Variants in LOXL2 observed in about 807,000 individuals in gnomAD.
LOXL2 encodes lysyl oxidase homolog 2.
Under a neutral mutation model 93.0 loss-of-function variants are expected in LOXL2, and 70 were observed. That is an observed-to-expected ratio of 0.75 (90% CI 0.62 to 0.92). LOXL2 has a LOEUF of 0.92. LOXL2 is among the 40% of genes least tolerant of loss of function. The pLI is 0.00. For missense variants in LOXL2, 973 were observed against 1,054.9 expected (o/e 0.92, Z 1.08); for synonymous variants, 438 against 413.2 (o/e 1.06, Z -0.73).
At position 23,316,967 on chromosome 8, in the gene LOXL2, C is replaced by A; in HGVS notation, c.1618G>T (p.Gly540Ter). The change falls in exon 9 of 14, where the codon GGA becomes TGA. Residue 540 changes from glycine to a stop codon, truncating the protein, a stop_gained. Coordinates refer to ENST00000389131, the MANE Select transcript of LOXL2 (RefSeq NM_002318.3). LOFTEE classifies it high-confidence loss of function. ...CPQGGVQYGA[G>*]VACSETAPDL... ...CTCTCACTTTCTGAGCAGGCAACTCCGGCCCCGTACTGCACTCCGCCCTGG... is the reference window on the plus strand; with the variant it reads ...CTCTCACTTTCTGAGCAGGCAACTCAGGCCCCGTACTGCACTCCGCCCTGG... 6.3e-7 allele frequency: 1 copy of A among 1,599,890 alleles called. No homozygotes were observed. The highest frequency in any genetic ancestry group is 8.5e-7 in the Non-Finnish European group (1 of 1,172,064).
chr8:23,401,721 G>A (rs976366327), intron 1 of LOXL2, among the ~76,000 whole-genome samples: 2 of 152,182 alleles, frequency 1.3e-5, no homozygotes, highest in Admixed American at 1.3e-4. Context: ...CAGAAAATCT[G>A]TTTCCTTCAC....
intron 6 of LOXL2, among the ~76,000 whole-genome samples, chr8:23,324,771 A>G (rs1803550416): frequency 6.6e-6 from 1 of 152,228 alleles, no homozygotes; most frequent in African/African-American, 2.4e-5. Context: ...CCATGGGTCC[A>G]GGCCAATGAG....
chr8:23,392,563 T>G (rs1302822191), intron 1 of LOXL2, among the ~76,000 whole-genome samples: 1 of 152,128 alleles, frequency 6.6e-6, no homozygotes, highest in Non-Finnish European at 1.5e-5. Context: ...ATTCTAATAG[T>G]CTTACTCCAT....
In LOXL2 at chr8:23,328,552, C is replaced by T. The variant is rs371553070; in HGVS notation, c.980G>A (p.Arg327Gln). The stretch of plus-strand genomic sequence containing the variant: ...CCCGATGTAGGCACCGCCTCTCAGT[C>T]GCACCAGGGGTTGCTGAAGAGACAC... ...KAYKPEQPLV[R>Q]LRGGAYIGEG... The change falls in exon 6 of 14, where the codon CGA (arginine) becomes CAA (glutamine). Residue 327 changes from arginine to glutamine, a missense_variant. Coordinates refer to ENST00000389131, the MANE Select transcript of LOXL2 (RefSeq NM_002318.3). 8.7e-6 allele frequency: 14 copies of T among 1,613,832 alleles called. No homozygotes were observed. Among genetic ancestry groups the T allele is most frequent in the African/African-American group, 4.0e-5 (3 of 74,924 alleles).
At chr8:23,381,899 A>C (rs1033175717) in intron 1 of LOXL2, among the ~76,000 whole-genome samples, 1 of 152,218 alleles carries the variant, frequency 6.6e-6, no homozygotes, top group African/African-American at 2.4e-5. Context: ...CCCCAAGCCT[A>C]ACACAGTGCC....
chr8:23,302,349 T>C (rs1270338789), intron 11 of LOXL2, among the ~76,000 whole-genome samples, 186 bp from the exon 12 acceptor site: 2 of 152,088 alleles, frequency 1.3e-5, no homozygotes, highest in Admixed American at 6.5e-5. Context: ...ACATCCTGCC[T>C]CTTCTCTCAG....
At position 23,332,499 on chromosome 8, in the gene LOXL2, TAC is replaced by T. The variant is rs374235477; in HGVS notation, c.966+900_966+901del. On this transcript the variant is annotated intron_variant, in intron 5 of 13. Coordinates refer to ENST00000389131, the MANE Select transcript of LOXL2 (RefSeq NM_002318.3). The stretch of plus-strand genomic sequence containing the variant: ...ACACACTCCCATACCCCCCCACTCA[TAC>T]ACACACATACACATCCCTACACACA... 4.7e-3 allele frequency among the ~76,000 whole-genome samples: 156 copies of T among 33,186 alleles called. 7 individuals are homozygous for T. In the East Asian group the frequency reaches 0.11, roughly 22 times the overall value. The allele number at this position is 33,186 out of a possible 152,430, so 21.8% of individuals were successfully genotyped here. A position where few individuals can be genotyped will look rare whatever the true frequency, so the allele number is the denominator to read the frequency against.
chr8:23,388,523 GCAGTGAGCAGTGA>G (rs374561908), intron 1 of LOXL2, among the ~76,000 whole-genome samples: 1 of 152,152 alleles, frequency 6.6e-6, no homozygotes, highest in African/African-American at 2.4e-5. Flanking sequence ...GGTTGAGGCT[GCAGTGAGCAGTGA>G]CTGTGCCACT....
At position 23,309,863 on chromosome 8, in the gene LOXL2, T is replaced by C; in HGVS notation, c.1685A>G (p.Tyr562Cys). Reference protein sequence around the residue: ...LNAEMVQQTTYLEDRPMFMLQ... With the variant: ...LNAEMVQQTTCLEDRPMFMLQ... The stretch of plus-strand genomic sequence containing the variant: ...CATGAACATGGGCCGGTCCTCCAGG[T>C]AGGTGGTCTGCTGCACCATCTCCGC... Residue 562 changes from tyrosine to cysteine, a missense_variant, in exon 10 of 14, where the codon TAC becomes TGC. By Grantham distance (194) the Tyr-to-Cys change is radical. Coordinates refer to ENST00000389131, the MANE Select transcript of LOXL2 (RefSeq NM_002318.3). The C allele has an allele frequency of 6.3e-7, 1 of 1,585,052 alleles. No homozygotes were observed. Among genetic ancestry groups the C allele is most frequent in the Non-Finnish European group, 8.6e-7 (1 of 1,164,364 alleles).
intron 2 of LOXL2, among the ~76,000 whole-genome samples, chr8:23,362,318 G>C (rs1026074077): frequency 6.6e-6 from 1 of 152,218 alleles, no homozygotes; most frequent in African/African-American, 2.4e-5. Context: ...CCTGGGATGA[G>C]AAAGAAATGG....
intron 1 of LOXL2, among the ~76,000 whole-genome samples, chr8:23,395,985 T>C (rs1800085156): frequency 6.6e-6 from 1 of 152,066 alleles, no homozygotes; most frequent in Non-Finnish European, 1.5e-5. Flanking sequence ...TATTTCTAAA[T>C]ACACACATAA....
intron 5 of LOXL2, chr8:23,328,780 T>G: frequency 5.7e-6 from 3 of 524,476 alleles, no homozygotes; most frequent in South Asian, 4.3e-5. Flanking sequence ...GCTTCCTCTA[T>G]AGAGTCAGCT....
intron 6 of LOXL2, among the ~76,000 whole-genome samples, chr8:23,323,317 G>A (rs532428203): frequency 6.6e-6 from 1 of 152,312 alleles, no homozygotes; most frequent in Non-Finnish European, 1.5e-5. Flanking sequence ...CCTATGTTAG[G>A]AAAGAGCAGA....
At position 23,298,941 on chromosome 8, in the gene LOXL2, TAAC is replaced by T. The variant is rs1803083046; in HGVS notation, c.2137_2139del (p.Val713del). On this transcript the variant is annotated inframe_deletion, in exon 13 of 14. Coordinates refer to ENST00000389131, the MANE Select transcript of LOXL2 (RefSeq NM_002318.3). ...TCTGCAACCTCGAAGTTGGGGTTAA[TAAC>T]AACCTAGGGAGAAGCAGGGCAGAGG... is the stretch of plus-strand genomic sequence containing the variant. 5 of 1,600,912 alleles carry T rather than the reference TAAC, an allele frequency of 3.1e-6. No homozygotes were observed. The highest frequency in any genetic ancestry group is 4.5e-5 in the East Asian group (2 of 44,792).
intron 7 of LOXL2, chr8:23,321,806 T>G: frequency 7.1e-6 from 2 of 281,072 alleles, no homozygotes; most frequent in Non-Finnish European, 6.7e-6. Context: ...GGCTGCACCG[T>G]GTTTTGATAA....
chr8:23,394,785 AG>A (rs544405068), intron 1 of LOXL2, among the ~76,000 whole-genome samples: 6 of 145,646 alleles, frequency 4.1e-5, no homozygotes, highest in Non-Finnish European at 7.6e-5. Context: ...ACATTGAAAC[AG>A]GTGTTCAAAC....
At chr8:23,395,030 C>T (rs1271434798) in intron 1 of LOXL2, among the ~76,000 whole-genome samples, 3 of 152,058 alleles carry the variant, frequency 2.0e-5, no homozygotes, top group South Asian at 2.1e-4. Flanking sequence ...CCAAGGTGGG[C>T]GGATCACGAG....
intron 8 of LOXL2, 76 bp from the exon 9 acceptor site, chr8:23,317,190 C>G: frequency 6.7e-7 from 1 of 1,487,766 alleles, no homozygotes; most frequent in Non-Finnish European, 9.3e-7. Context: ...CAACTTGCAG[C>G]CTCACAAAAA....
intron 9 of LOXL2, among the ~76,000 whole-genome samples, chr8:23,315,922 C>A (rs73543991): frequency 0.019 from 2,962 of 152,286 alleles, 91 homozygotes; most frequent in African/African-American, 0.068. Context: ...AAAGAAAAGG[C>A]CCCCGACAGG....
Sources: allele counts gnomAD v4.1 joint callset (sites outside exome capture counted in the v4.1 genomes callset), GRCh38; gene constraint gnomAD v4.1.1; transcripts MANE v1.5; gene names NCBI Gene and HGNC (gene_info 2026-07-23, HGNC 2026-07-21).